Variants in SLC41A2 observed in about 807,000 individuals in gnomAD.
SLC41A2 encodes the protein SLC41A1-like 1.
SLC41A2 carries 32 observed loss-of-function variants against 58.3 expected under a neutral mutation model. The observed-to-expected ratio is 0.55, with a 90% CI of 0.41 to 0.74. SLC41A2 has a LOEUF of 0.74. Ranked by LOEUF, SLC41A2 falls within the 30% of genes least tolerant of loss-of-function variation. SLC41A2 has a pLI of 0.00. For synonymous variants in SLC41A2, 190 were observed against 235.0 expected, an observed-to-expected ratio of 0.81 and a Z score of 1.75; for missense variants, 514 against 680.6, an observed-to-expected ratio of 0.76 and a Z score of 2.72.
intron 8 of SLC41A2, among the ~76,000 whole-genome samples, chr12:104,858,637 G>C (rs995055114): frequency 1.3e-5 from 2 of 152,120 alleles, no homozygotes; most frequent in African/African-American, 4.8e-5. Context: ...TTTTTAAAGA[G>C]TGGAATTTAT....
At chr12:104,831,614 T>C (rs1341439449) in intron 10 of SLC41A2, among the ~76,000 whole-genome samples, 1 of 152,232 alleles carries the variant, frequency 6.6e-6, no homozygotes, top group Non-Finnish European at 1.5e-5. Flanking sequence ...AATGTAATTT[T>C]ACATTTAAAA....
At chr12:104,899,850 G>A (rs888336762) in intron 3 of SLC41A2, among the ~76,000 whole-genome samples, 6 of 152,142 alleles carry the variant, frequency 3.9e-5, no homozygotes, top group Admixed American at 3.3e-4. Context: ...CTTTTCAAGT[G>A]TAGGCCCCTC....
rs987262040 is a variant in SLC41A2 at position 104,803,710 on chromosome 12, G to GTGTT, written c.*1438_*1441dup. On this transcript the variant is annotated 3_prime_UTR_variant, in exon 11 of 11. Transcript: ENST00000258538. ...ATTCAATAACTAAGGTGTTGGTCAA[G>GTGTT]TGTTTAGAATATAGGCCAGAGTTTT... 3 of 152,130 alleles carry GTGTT rather than the reference G, an allele frequency of 2.0e-5. No homozygotes were observed. The highest frequency in any genetic ancestry group is 7.2e-5 in the African/African-American group (3 of 41,420). 9.4% of individuals were successfully genotyped at this position (152,130 alleles called of 1,614,324 possible).
At chr12:104,917,056 A>G (rs1178790247) in intron 2 of SLC41A2, among the ~76,000 whole-genome samples, 1 of 150,828 alleles carries the variant, frequency 6.6e-6, no homozygotes, top group African/African-American at 2.4e-5. Context: ...AATGGGAGAA[A>G]ATTTTCACAA....
rs115164868 is a variant in SLC41A2, at chr12:104,900,518, G to A, written c.664-5173C>T. ...GTAGACTTTGAAGTTGCAGTTTATCGTATGTCAGTAAAGCTGCAGAAATGG... is the reference window on the plus strand; with the variant it reads ...GTAGACTTTGAAGTTGCAGTTTATCATATGTCAGTAAAGCTGCAGAAATGG... On this transcript the variant is annotated intron_variant, in intron 3 of 10. Transcript: ENST00000258538. Among the ~76,000 whole-genome samples, 466 of 152,234 alleles carry A rather than the reference G, an allele frequency of 3.1e-3. 2 individuals carry two copies. Among genetic ancestry groups the A allele is most frequent in the African/African-American group, 0.011 (439 of 41,562 alleles).
intron 10 of SLC41A2, among the ~76,000 whole-genome samples, chr12:104,812,256 C>T (rs561713825): frequency 6.6e-6 from 1 of 152,294 alleles, no homozygotes; most frequent in African/African-American, 2.4e-5. Context: ...CTTAACCTCT[C>T]CATGTCTCAG....
At chr12:104,877,920 C>T (rs1157775082) in intron 6 of SLC41A2, among the ~76,000 whole-genome samples, 1 of 151,952 alleles carries the variant, frequency 6.6e-6, no homozygotes, top group African/African-American at 2.4e-5. Context: ...GAGGCACGAC[C>T]ATCACTTGAA....
chr12:104,936,156 C>A (rs915541987), intron 1 of SLC41A2, among the ~76,000 whole-genome samples: 15 of 152,096 alleles, frequency 9.9e-5, no homozygotes, highest in African/African-American at 3.6e-4. Context: ...TACTGTGCTG[C>A]CAGTCATATA....
At chr12:104,938,916 A>G (rs1249609822) in intron 1 of SLC41A2, among the ~76,000 whole-genome samples, 2 of 152,254 alleles carry the variant, frequency 1.3e-5, no homozygotes. Context: ...ACTGGCTTCC[A>G]AACATTTGAA....
chr12:104,948,753 A>T (rs1450888110), intron 1 of SLC41A2, among the ~76,000 whole-genome samples: 1 of 152,256 alleles, frequency 6.6e-6, no homozygotes, highest in East Asian at 1.9e-4. Flanking sequence ...GTGTATCATC[A>T]GTGTTCCCTC....
intron 1 of SLC41A2, among the ~76,000 whole-genome samples, chr12:104,933,676 T>TACAC: frequency 6.7e-6 from 1 of 148,876 alleles, no homozygotes; most frequent in South Asian, 2.1e-4. Context: ...AGAAAATAAA[T>TACAC]ACACACACAC....
chr12:104,806,596 G>T (rs1204615226), intron 10 of SLC41A2, among the ~76,000 whole-genome samples: 1 of 151,898 alleles, frequency 6.6e-6, no homozygotes, highest in South Asian at 2.1e-4. Flanking sequence ...GGGATGGCTG[G>T]GTCAAATGGT....
chr12:104,876,991 T>C (rs1387720891), intron 6 of SLC41A2, among the ~76,000 whole-genome samples: 1 of 152,216 alleles, frequency 6.6e-6, no homozygotes, highest in African/African-American at 2.4e-5. Context: ...TATTTACAAT[T>C]GTTATATCTT....
intron 1 of SLC41A2, among the ~76,000 whole-genome samples, chr12:104,941,370 A>AG (rs56745685): frequency 1.3e-5 from 2 of 152,150 alleles, no homozygotes; most frequent in African/African-American, 4.8e-5. Context: ...AGCCTACAGA[A>AG]TAATGGATCC....
In SLC41A2 at chr12:104,928,490, G is replaced by C; in HGVS notation, c.38C>G (p.Thr13Arg). The C allele has an allele frequency of 6.5e-7, 1 of 1,534,124 alleles. No individual in the cohort carries two copies. Among genetic ancestry groups the C allele is most frequent in the Non-Finnish European group, 8.8e-7 (1 of 1,139,322 alleles). The change falls in exon 2 of 11, where the codon ACA (threonine) becomes AGA (arginine). Residue 13 changes from threonine to arginine, a missense_variant. This residue lies in a region of SLC41A2 where 336 missense variants were observed against 430.0 expected (regional missense o/e 0.78). Coordinates refer to ENST00000258538, the MANE Select transcript of SLC41A2 (RefSeq NM_001352171.3). ...NSKGRSITDK[T>R]SGGPSSGGGF... ...TCCTCCACTACTTGGACCACCACTTGTTTTATCGGTAATAGATCTTCCTTT... is the reference window on the plus strand; with the variant it reads ...TCCTCCACTACTTGGACCACCACTTCTTTTATCGGTAATAGATCTTCCTTT...
At chr12:104,813,850 G>A (rs1018518662) in intron 10 of SLC41A2, among the ~76,000 whole-genome samples, 2 of 152,184 alleles carry the variant, frequency 1.3e-5, no homozygotes, top group African/African-American at 2.4e-5. Flanking sequence ...TGGCCAGGCT[G>A]GTCTCGAACT....
At chr12:104,835,245 C>T (rs968719760) in intron 10 of SLC41A2, among the ~76,000 whole-genome samples, 1 of 152,164 alleles carries the variant, frequency 6.6e-6, no homozygotes, top group Non-Finnish European at 1.5e-5. Context: ...AGCCAGAGCC[C>T]AAGCCCTATA....
chr12:104,826,603 A>G (rs1426322728), intron 10 of SLC41A2, among the ~76,000 whole-genome samples: 2 of 152,100 alleles, frequency 1.3e-5, no homozygotes, highest in Non-Finnish European at 1.5e-5. Flanking sequence ...CCCCTCCTAG[A>G]AATCATCACT....
At chr12:104,917,395 A>G (rs2046375154) in intron 2 of SLC41A2, among the ~76,000 whole-genome samples, 1 of 152,320 alleles carries the variant, frequency 6.6e-6, no homozygotes, top group Non-Finnish European at 1.5e-5. Flanking sequence ...AACTAGTTCA[A>G]CCATTGTGGA....
Sources: gnomAD v4.1 joint callset for allele counts (sites outside exome capture counted in the v4.1 genomes callset) on GRCh38, gnomAD v4.1.1 for gene constraint, gnomAD v4.1.1 regional missense constraint, MANE v1.5 for transcripts, NCBI Gene and HGNC (gene_info 2026-07-23, HGNC 2026-07-21) for gene names.